The following PTPRC variants were observed in gnomAD, a reference collection of about 807,000 sequenced individuals.
PTPRC encodes receptor-type tyrosine-protein phosphatase C.
In PTPRC, 44 loss-of-function variants were observed where a neutral mutation model predicts 155.9. The observed-to-expected ratio is 0.28, with a 90% CI of 0.22 to 0.36. The LOEUF (loss-of-function observed/expected upper bound fraction) is 0.36, where lower values mean the gene tolerates loss of function less well. Among genes scored for constraint, PTPRC ranks in the 10% least tolerant of loss-of-function variants. The probability of loss-of-function intolerance (pLI) is 1.00; values close to 1 mark genes in which losing one functional copy is unlikely to be tolerated. For missense variants in PTPRC, 1,401 were observed against 1,564.6 expected, an observed-to-expected ratio of 0.90 and a Z score of 1.76; for synonymous variants, 525 against 533.1, an observed-to-expected ratio of 0.98 and a Z score of 0.21.
chr1:198,676,605 A>T (rs149723598), intron 2 of PTPRC, among the ~76,000 whole-genome samples: 2 of 152,290 alleles, frequency 1.3e-5, no homozygotes, highest in African/African-American at 4.8e-5. Flanking sequence ...ATCACAGGTG[A>T]CAGGTCATTG....
At chr1:198,720,959 TCCACG>T (rs1329020827) in intron 14 of PTPRC, among the ~76,000 whole-genome samples, 1 of 151,974 alleles carries the variant, frequency 6.6e-6, no homozygotes, top group Non-Finnish European at 1.5e-5. Flanking sequence ...GCCACCTCCC[TCCACG>T]CTCTTCCCAC....
Position 198,703,384 on chromosome 1 carries a change from C to T in PTPRC, c.658+12C>T, listed in dbSNP as rs767295316. Reference sequence around the variant, plus strand: ...AACCACAACAATAGGTGATATTACCCTCAGTCAGGCAGCCACACCATCCCC... The same window carrying T: ...AACCACAACAATAGGTGATATTACCTTCAGTCAGGCAGCCACACCATCCCC... On this transcript the variant is annotated intron_variant, in intron 7 of 32. Coordinates refer to ENST00000442510, the MANE Select transcript of PTPRC (RefSeq NM_002838.5). The T allele has an allele frequency of 6.2e-7, 1 of 1,611,546 alleles. No individual in the cohort carries two copies. Among genetic ancestry groups the T allele is most frequent in the Non-Finnish European group, 8.5e-7 (1 of 1,180,010 alleles).
chr1:198,645,218 A>G (rs913389384), intron 2 of PTPRC, among the ~76,000 whole-genome samples: 5 of 151,856 alleles, frequency 3.3e-5, no homozygotes, highest in African/African-American at 9.7e-5. Flanking sequence ...AAATTAAAGT[A>G]CAATTTGTCT....
At chr1:198,702,979 G>C (rs1375883505) in intron 6 of PTPRC, among the ~76,000 whole-genome samples, 1 of 152,152 alleles carries the variant, frequency 6.6e-6, no homozygotes, top group Non-Finnish European at 1.5e-5. Context: ...AAGAGTAATT[G>C]TGACGCTTAT....
chr1:198,743,964 A>C, intron 25 of PTPRC, 90 bp from the exon 26 acceptor site: 2 of 1,313,176 alleles, frequency 1.5e-6, no homozygotes, highest in Non-Finnish European at 1.1e-6. Context: ...AATATGAGCA[A>C]ATTTATGGGG....
chr1:198,739,823 G>A (rs78146990), intron 23 of PTPRC, among the ~76,000 whole-genome samples: 18,778 of 151,604 alleles, frequency 0.12, 1,379 homozygotes, highest in East Asian at 0.26. Context: ...CATACCTTAT[G>A]TTATGCTACA....
intron 2 of PTPRC, among the ~76,000 whole-genome samples, chr1:198,642,081 A>C (rs1662616926): frequency 6.6e-6 from 1 of 152,012 alleles, no homozygotes; most frequent in African/African-American, 2.4e-5. Flanking sequence ...ATCATTGCTA[A>C]AGTTTGAAAT....
rs1467438457 is a variant in PTPRC, at chr1:198,731,694, G to C, written c.1942G>C (p.Asp648His). Residue 648 changes from aspartate (D) to histidine (H), a missense_variant, in exon 18 of 33, where the codon GAT becomes CAT. Physicochemically the swap from Asp to His is moderately conservative, Grantham distance 81 (BLOSUM62 -1). This residue lies in a region of PTPRC where 867 missense variants were observed against 970.4 expected (regional missense o/e 0.89). Transcript: ENST00000442510. ...GGAAACTTATAAGAGGAAGATTGCT[G>C]ATGAAGGAAGACTTTTTCTGGCTGA... The part of the protein sequence containing the change: ...LLETYKRKIA[D>H]EGRLFLAEFQ... 8 of 1,609,950 alleles carry C rather than the reference G, an allele frequency of 5.0e-6. No homozygotes were observed. Among genetic ancestry groups the C allele is most frequent in the Non-Finnish European group, 6.8e-6 (8 of 1,176,756 alleles).
chr1:198,644,310 T>C (rs1308173118), intron 2 of PTPRC, among the ~76,000 whole-genome samples: 1 of 150,596 alleles, frequency 6.6e-6, no homozygotes, highest in African/African-American at 2.5e-5. Flanking sequence ...GACTTTTGCA[T>C]ACATAAAGAC....
rs374599480 is a variant in PTPRC at position 198,734,157 on chromosome 1, G to C, written c.2143-39G>C. The C allele has an allele frequency of 1.8e-5, 29 of 1,595,598 alleles. No individual in the cohort carries two copies. The African/African-American group carries it at 3.8e-4, about 21-fold the overall frequency. ...TTTTCCTGTTAATGAGTAATTGAAT[G>C]TTCAGCAAATGACATATCTCTGCAT... On this transcript the variant is annotated intron_variant, in intron 20 of 32. Transcript: ENST00000442510.
intron 31 of PTPRC, among the ~76,000 whole-genome samples, chr1:198,753,552 G>A (rs1405368198): frequency 6.6e-6 from 1 of 151,868 alleles, no homozygotes; most frequent in East Asian, 1.9e-4. Flanking sequence ...CTAGAATCAA[G>A]CCTTAAGAAA....
chr1:198,754,096 T>A (rs1655510618), intron 31 of PTPRC, among the ~76,000 whole-genome samples, 173 bp from the exon 32 acceptor site: 1 of 151,970 alleles, frequency 6.6e-6, no homozygotes. Flanking sequence ...AATTGAAAAA[T>A]TTGCCTAAAA....
rs760442928 is a variant in PTPRC, at chr1:198,756,408, A to AAAC, written c.*231_*233dup. 8 of 581,080 alleles carry AAAC rather than the reference A, an allele frequency of 1.4e-5. No individual in the cohort carries two copies. The highest frequency in any genetic ancestry group is 5.6e-5 in the African/African-American group (3 of 53,262). 36.0% of individuals were successfully genotyped at this position (581,080 alleles called of 1,614,324 possible). A position where few individuals can be genotyped will look rare whatever the true frequency, so the allele number is the denominator to read the frequency against. On this transcript the variant is annotated 3_prime_UTR_variant, in exon 33 of 33. Transcript: ENST00000442510. ...AAAATTTTATCTCTTATTCAGTAAA[A>AAAC]AACAACTTCTTTGTAATCGTTATGT...
chr1:198,720,318 A>G (rs568728853), intron 14 of PTPRC, among the ~76,000 whole-genome samples: 1 of 152,172 alleles, frequency 6.6e-6, no homozygotes, highest in Non-Finnish European at 1.5e-5. Context: ...GTATCATATA[A>G]CTTTTTAAAA....
At chr1:198,677,241 A>T (rs541409659) in intron 2 of PTPRC, among the ~76,000 whole-genome samples, 3 of 152,156 alleles carry the variant, frequency 2.0e-5, no homozygotes, top group Non-Finnish European at 4.4e-5. Flanking sequence ...TGCATTCCAC[A>T]AATGGGATTA....
At chr1:198,711,766 C>G (rs1653322517) in intron 11 of PTPRC, among the ~76,000 whole-genome samples, 1 of 151,988 alleles carries the variant, frequency 6.6e-6, no homozygotes, top group South Asian at 2.1e-4. Flanking sequence ...CTTTCAGCTG[C>G]AAAATAAGGA....
intron 3 of PTPRC, chr1:198,693,079 G>A (rs1666015645): frequency 1.0e-6 from 1 of 976,778 alleles, no homozygotes; most frequent in African/African-American, 1.8e-5. Context: ...AAGAAGGTAA[G>A]TAAAACAATG....
At chr1:198,724,011 A>G (rs1654013455) in intron 15 of PTPRC, among the ~76,000 whole-genome samples, 1 of 152,194 alleles carries the variant, frequency 6.6e-6, no homozygotes. Flanking sequence ...TAGAGTTCAC[A>G]TATAGCACTC....
intron 3 of PTPRC, chr1:198,694,136 C>T: frequency 1.3e-6 from 2 of 1,539,382 alleles, no homozygotes; most frequent in South Asian, 1.2e-5. Context: ...TCACAAACCA[C>T]TGGAGTAAGT....
Sources: gnomAD v4.1 joint callset for allele counts (sites outside exome capture counted in the v4.1 genomes callset) on GRCh38, gnomAD v4.1.1 for gene constraint, gnomAD v4.1.1 regional missense constraint, MANE v1.5 for transcripts, NCBI Gene and HGNC (gene_info 2026-07-23, HGNC 2026-07-21) for gene names.